The following ZNF431 variants were observed in gnomAD, a reference collection of about 807,000 sequenced individuals.
ZNF431 encodes the protein zinc finger protein 431.
A neutral mutation model predicts 57.0 loss-of-function variants in ZNF431; 34 were observed. The observed-to-expected ratio is 0.60, with a 90% confidence interval of 0.45 to 0.79. The LOEUF is 0.79. Among genes scored for constraint, ZNF431 ranks in the 30% least tolerant of loss-of-function variants. ZNF431 has a pLI of 0.00. For missense variants in ZNF431, 607 were observed against 667.1 expected (o/e 0.91, Z 0.99); for synonymous variants, 207 against 220.3 (o/e 0.94, Z 0.54).
intron 4 of ZNF431, among the ~76,000 whole-genome samples, chr19:21,177,408 C>T (rs1368568383): frequency 6.6e-6 from 1 of 152,008 alleles, no homozygotes; most frequent in East Asian, 1.9e-4. Flanking sequence ...ATAACAGTAC[C>T]AGGCAGCTTT....
In ZNF431 at chr19:21,146,871, A is replaced by G. The variant is rs575354444; in HGVS notation, c.96+3228A>G. ...ATAGATGTGCTCTGGTTCCTCTGACATCTCCCCCATCTTTTTCACAAGGGC... is the reference window on the plus strand; with the variant it reads ...ATAGATGTGCTCTGGTTCCTCTGACGTCTCCCCCATCTTTTTCACAAGGGC... On this transcript the variant is annotated intron_variant, in intron 2 of 4. Coordinates refer to ENST00000311048, the MANE Select transcript of ZNF431 (RefSeq NM_133473.4). Among the ~76,000 whole-genome samples, 33 of 152,200 alleles carry G rather than the reference A, an allele frequency of 2.2e-4. 2 individuals carry two copies. In the South Asian group the frequency reaches 6.8e-3, roughly 32 times the overall value.
intron 2 of ZNF431, among the ~76,000 whole-genome samples, chr19:21,145,724 T>C (rs1431469715): frequency 1.3e-5 from 2 of 152,064 alleles, no homozygotes; most frequent in South Asian, 2.1e-4. Context: ...GTTAGATTTA[T>C]GTAAAAAAAA....
At chr19:21,167,471 T>G (rs1169850304) in intron 3 of ZNF431, 100 bp from the exon 4 acceptor site, 1 of 926,532 alleles carries the variant, frequency 1.1e-6, no homozygotes, top group East Asian at 4.3e-5. Context: ...TGGATTAATT[T>G]TCTAAAATAT....
Position 21,187,033 on chromosome 19 carries a change from CTG to C in ZNF431, c.*3003_*3004del. The stretch of plus-strand genomic sequence containing the variant: ...TAGCAAACATATATTACAGTTTTCA[CTG>C]TGTAATAGATTATCCATAATAATTC... On this transcript the variant is annotated 3_prime_UTR_variant, in exon 5 of 5. Transcript: ENST00000311048. 6.6e-6 allele frequency: 1 copy of C among 152,230 alleles called. No homozygotes were observed. Among genetic ancestry groups the C allele is most frequent in the East Asian group, 1.9e-4 (1 of 5,176 alleles). 9.4% of individuals were successfully genotyped at this position (152,230 alleles called of 1,614,324 possible). A position where few individuals can be genotyped will look rare whatever the true frequency, so the allele number is the denominator to read the frequency against.
intron 2 of ZNF431, among the ~76,000 whole-genome samples, chr19:21,154,009 C>T (rs1424593805): frequency 2.0e-5 from 3 of 152,146 alleles, no homozygotes; most frequent in African/African-American, 7.2e-5. Context: ...AGCCGCCGCA[C>T]CCATTGGGAG....
intron 2 of ZNF431, among the ~76,000 whole-genome samples, chr19:21,148,782 A>G (rs1970183060): frequency 6.6e-6 from 1 of 152,224 alleles, no homozygotes; most frequent in Non-Finnish European, 1.5e-5. Flanking sequence ...AATTTTAATT[A>G]CATACTAGGA....
rs1449174098 is a variant in ZNF431 at position 21,190,034 on chromosome 19, T to C, written c.*6000T>C. On this transcript the variant is annotated 3_prime_UTR_variant, in exon 5 of 5. Transcript: ENST00000311048. ...CAAAAAACACCTCAGCTGGGTGTGG[T>C]GGTGCAGGCCTGTAATCTCAGCTAC... 2.6e-6 allele frequency: 1 copy of C among 384,728 alleles called. No homozygotes were observed. The highest frequency in any genetic ancestry group is 2.1e-5 in the African/African-American group (1 of 48,208). The allele number at this position is 384,728 out of a possible 1,614,324, so 23.8% of individuals were successfully genotyped here.
intron 4 of ZNF431, among the ~76,000 whole-genome samples, chr19:21,176,760 C>T (rs1269805397): frequency 4.6e-5 from 7 of 151,996 alleles, no homozygotes; most frequent in Admixed American, 6.6e-5. Context: ...TGCAGTGGCA[C>T]GGTCTTGGCT....
intron 4 of ZNF431, among the ~76,000 whole-genome samples, chr19:21,171,712 A>ATATT (rs1216184359): frequency 1.1e-5 from 1 of 90,900 alleles, no homozygotes; most frequent in African/African-American, 4.6e-5. Flanking sequence ...ATATATATAT[A>ATATT]TTTTTTTTTT....
chr19:21,184,086 A>G lies in ZNF431; in HGVS notation c.*52A>G, dbSNP rs1186880510. On this transcript the variant is annotated 3_prime_UTR_variant, in exon 5 of 5. Transcript: ENST00000311048. ...AAATATTGGCCGGGTGCGGTGGCTT[A>G]TGCAAAATGGCTCCCAGCATTTTGG... 3 of 1,480,774 alleles carry G rather than the reference A, an allele frequency of 2.0e-6. No individual in the cohort carries two copies. Among genetic ancestry groups the G allele is most frequent in the African/African-American group, 2.8e-5 (2 of 70,882 alleles). The allele number at this position is 1,480,774 out of a possible 1,614,324, so 91.7% of individuals were successfully genotyped here. A position where few individuals can be genotyped will look rare whatever the true frequency, so the allele number is the denominator to read the frequency against.
At position 21,142,245 on chromosome 19, in the gene ZNF431, A is replaced by G. The variant is rs371813503; in HGVS notation, c.3+59A>G. The G allele has an allele frequency of 1.6e-5, 25 of 1,611,600 alleles. No individual in the cohort carries two copies. In the East Asian group the frequency reaches 2.5e-4, roughly 16 times the overall value. On this transcript the variant is annotated intron_variant, in intron 1 of 4. Coordinates refer to ENST00000311048, the MANE Select transcript of ZNF431 (RefSeq NM_133473.4). Reference sequence around the variant, plus strand: ...GGAAGGGCTGGTTGTAACCGGTGGGAAGTGGCTGTGGCGGGACTCAGGCCT... The same window carrying G: ...GGAAGGGCTGGTTGTAACCGGTGGGGAGTGGCTGTGGCGGGACTCAGGCCT...
At position 21,188,089 on chromosome 19, in the gene ZNF431, T is replaced by C. The variant is rs1204253250; in HGVS notation, c.*4055T>C. Reference sequence around the variant, plus strand: ...GCCTGACCAACATGGTGAAACCCTGTGTCTACTAAAAATACAAATTTAGCC... The same window carrying C: ...GCCTGACCAACATGGTGAAACCCTGCGTCTACTAAAAATACAAATTTAGCC... On this transcript the variant is annotated 3_prime_UTR_variant, in exon 5 of 5. Coordinates refer to ENST00000311048, the MANE Select transcript of ZNF431 (RefSeq NM_133473.4). The C allele has an allele frequency of 6.6e-6, 1 of 151,972 alleles. No individual in the cohort carries two copies. The highest frequency in any genetic ancestry group is 1.5e-5 in the Non-Finnish European group (1 of 68,018). 9.4% of individuals were successfully genotyped at this position (151,972 alleles called of 1,614,324 possible).
chr19:21,142,041 T>A lies in ZNF431; in HGVS notation c.-143T>A, dbSNP rs1373097556. On this transcript the variant is annotated 5_prime_UTR_variant, in exon 1 of 5. Transcript: ENST00000311048. ...CTTCCGGGATGTGGCGGGGCCTTTG[T>A]CTCTCGCCGCAGCCTGAGCTCCAGG... 7.4e-6 allele frequency: 8 copies of A among 1,085,114 alleles called. No individual in the cohort carries two copies. The Admixed American group carries it at 1.5e-4, about 20-fold the overall frequency. The allele number at this position is 1,085,114 out of a possible 1,614,324, so 67.2% of individuals were successfully genotyped here.
chr19:21,189,613 T>G lies in ZNF431; in HGVS notation c.*5579T>G. Reference sequence around the variant, plus strand: ...TGTTGTGCAATAAATCTCTTGAACTTATTTCTTCCATTTGACTATAATTAT... The same window carrying G: ...TGTTGTGCAATAAATCTCTTGAACTGATTTCTTCCATTTGACTATAATTAT... On this transcript the variant is annotated 3_prime_UTR_variant, in exon 5 of 5. Coordinates refer to ENST00000311048, the MANE Select transcript of ZNF431 (RefSeq NM_133473.4). The G allele has an allele frequency of 3.1e-6, 1 of 318,864 alleles. No homozygotes were observed. Among genetic ancestry groups the G allele is most frequent in the Non-Finnish European group, 5.7e-6 (1 of 176,896 alleles). The allele number at this position is 318,864 out of a possible 1,614,324, so 19.8% of individuals were successfully genotyped here. A position where few individuals can be genotyped will look rare whatever the true frequency, so the allele number is the denominator to read the frequency against.
At chr19:21,149,841 C>T in intron 2 of ZNF431, 2 of 652,842 alleles carry the variant, frequency 3.1e-6, no homozygotes. Flanking sequence ...GTGAAGACGA[C>T]AGTGGTGCAG....
At chr19:21,181,381 A>G (rs890838031) in intron 4 of ZNF431, among the ~76,000 whole-genome samples, 1 of 151,818 alleles carries the variant, frequency 6.6e-6, no homozygotes, top group Non-Finnish European at 1.5e-5. Context: ...CTTTATAGCT[A>G]TTTTTTTCAG....
intron 2 of ZNF431, among the ~76,000 whole-genome samples, chr19:21,164,120 C>T (rs1029314009): frequency 2.0e-5 from 3 of 151,544 alleles, no homozygotes; most frequent in African/African-American, 7.3e-5. Flanking sequence ...TTACTTGTGC[C>T]CTTTCCACAG....
intron 2 of ZNF431, among the ~76,000 whole-genome samples, chr19:21,145,671 T>A (rs1481900247): frequency 2.0e-5 from 3 of 152,110 alleles, no homozygotes; most frequent in African/African-American, 4.8e-5. Context: ...ACTGATGATG[T>A]TGTTATTGTT....
rs1970791549 is a variant in ZNF431 at position 21,168,584 on chromosome 19, T to A, written c.319+918T>A. On this transcript the variant is annotated intron_variant, in intron 4 of 4. Transcript: ENST00000311048. ...GGTTTCACCGTGCTGTTCAGACTGG[T>A]CTCAAACTCCTGACCTTGTGATCTG... Among the ~76,000 whole-genome samples the A allele has an allele frequency of 2.0e-5, 3 of 152,156 alleles. No individual in the cohort carries two copies. The South Asian group carries it at 6.2e-4, about 32-fold the overall frequency.
Sources: gnomAD v4.1 joint callset for allele counts (sites outside exome capture counted in the v4.1 genomes callset) on GRCh38, gnomAD v4.1.1 for gene constraint, MANE v1.5 for transcripts, NCBI Gene and HGNC (gene_info 2026-07-23, HGNC 2026-07-21) for gene names.